RGMB: variants seen among roughly 807,000 people sequenced by gnomAD.
RGMB encodes repulsive guidance molecule BMP co-receptor b.
A neutral mutation model predicts 26.9 loss-of-function variants in RGMB; 16 were observed. The observed-to-expected ratio is 0.60, with a 90% CI of 0.40 to 0.90. The LOEUF (loss-of-function observed/expected upper bound fraction) is 0.90, where lower values mean the gene tolerates loss of function less well. Ranked by LOEUF, RGMB falls within the 40% of genes least tolerant of loss-of-function variation. RGMB has a pLI of 0.00. For synonymous variants in RGMB, 225 were observed against 229.3 expected (o/e 0.98, Z 0.17); for missense variants, 512 against 573.3 (o/e 0.89, Z 1.09).
chr5:98,773,927 GC>G lies in RGMB; in HGVS notation c.-140del. The G allele has an allele frequency of 1.8e-6, 1 of 561,054 alleles. No homozygotes were observed. The highest frequency in any genetic ancestry group is 3.2e-6 in the Non-Finnish European group (1 of 317,250). 34.8% of individuals were successfully genotyped at this position (561,054 alleles called of 1,614,324 possible). A position where few individuals can be genotyped will look rare whatever the true frequency, so the allele number is the denominator to read the frequency against. On this transcript the variant is annotated 5_prime_UTR_variant, in exon 1 of 3. An upstream open reading frame in the 5' UTR loses its in-frame stop. Transcript: ENST00000513185. ...CGCTGCTTGCTGCGGCGGTGGTGGC[GC>G]CCCATCTGCTACACGGGCCTGAAGA...
intron 2 of RGMB, 55 bp downstream of exon 2, chr5:98,780,143 T>C: frequency 1.3e-6 from 2 of 1,513,712 alleles, no homozygotes; most frequent in Non-Finnish European, 1.8e-6. Flanking sequence ...AGATGTTTGA[T>C]TCTTCAGATA....
At chr5:98,787,027 G>A (rs191316869) in intron 2 of RGMB, among the ~76,000 whole-genome samples, 1 of 152,036 alleles carries the variant, frequency 6.6e-6, no homozygotes, top group Admixed American at 6.5e-5. Context: ...CTGAAATGGG[G>A]GTCAGTTTCC....
Position 98,774,106 on chromosome 5 carries a change from T to C in RGMB, c.36T>C (p.Ala12=), listed in dbSNP as rs1249713998. 3.0e-6 allele frequency: 4 copies of C among 1,322,110 alleles called. No individual in the cohort carries two copies. The highest frequency in any genetic ancestry group is 4.2e-5 in the Admixed American group (2 of 47,672). 81.9% of individuals were successfully genotyped at this position (1,322,110 alleles called of 1,614,324 possible). A position where few individuals can be genotyped will look rare whatever the true frequency, so the allele number is the denominator to read the frequency against. ...GLRAAPSSAA[A]AAAEVEQRRS... is the part of the protein sequence containing the mutation. ...GAGCAGCACCTTCCAGCGCCGCCGC[T>C]GCCGCCGCCGAGGTTGAGCAGCGCC... Residue 12 remains alanine, a synonymous_variant, in exon 1 of 3, where the codon GCT becomes GCC. Coordinates refer to ENST00000513185, the MANE Select transcript of RGMB (RefSeq NM_001366508.1).
At position 98,793,153 on chromosome 5, in the gene RGMB, C is replaced by T. The variant is rs1285240545; in HGVS notation, c.714C>T (p.Asp238=). 6.2e-7 allele frequency: 1 copy of T among 1,613,838 alleles called. No individual in the cohort carries two copies. The highest frequency in any genetic ancestry group is 1.3e-5 in the African/African-American group (1 of 74,944). The stretch of plus-strand genomic sequence containing the variant: ...AAGTCTACCAAGCTGTGACAGATGA[C>T]CTGCCGGCCGCCTTTGTGGATGGCA... ...DQKVYQAVTD[D]LPAAFVDGTT... is the part of the protein sequence containing the mutation. Residue 238 remains aspartate, a synonymous_variant, in exon 3 of 3, where the codon GAC becomes GAT. Coordinates refer to ENST00000513185, the MANE Select transcript of RGMB (RefSeq NM_001366508.1).
At chr5:98,788,979 C>T (rs958786194) in intron 2 of RGMB, among the ~76,000 whole-genome samples, 1 of 152,166 alleles carries the variant, frequency 6.6e-6, no homozygotes, top group South Asian at 2.1e-4. Flanking sequence ...GCACCGTGGG[C>T]TTATTCTCCC....
intron 2 of RGMB, chr5:98,780,347 A>G (rs965337316): frequency 1.0e-5 from 4 of 401,478 alleles, no homozygotes; most frequent in Admixed American, 8.2e-5. Context: ...CTCCAGGGAA[A>G]AGGCAGACCT....
chr5:98,790,715 T>C (rs966046661), intron 2 of RGMB, among the ~76,000 whole-genome samples: 4 of 152,240 alleles, frequency 2.6e-5, no homozygotes, highest in African/African-American at 9.6e-5. Flanking sequence ...TAAATCCTCT[T>C]TGTTTTTCCT....
chr5:98,769,928 C>G (rs567507659), upstream of RGMB: 1 of 152,688 alleles, frequency 6.5e-6, no homozygotes, highest in South Asian at 2.1e-4. Context: ...GTGTGCAGGG[C>G]TGGCGCTCCG....
At chr5:98,769,713 G>C (rs1309121854), upstream of RGMB, 2 of 152,928 alleles carry the variant, frequency 1.3e-5, no homozygotes, top group South Asian at 4.1e-4. Flanking sequence ...GTTTTGTTTA[G>C]GTCTCCATCC....
Position 98,773,926 on chromosome 5 carries a change from C to A in RGMB, c.-145C>A. ...GCGCTGCTTGCTGCGGCGGTGGTGG[C>A]GCCCCATCTGCTACACGGGCCTGAA... On this transcript the variant is annotated 5_prime_UTR_variant, in exon 1 of 3. Coordinates refer to ENST00000513185, the MANE Select transcript of RGMB (RefSeq NM_001366508.1). 5.4e-6 allele frequency: 3 copies of A among 559,510 alleles called. No homozygotes were observed. Among genetic ancestry groups the A allele is most frequent in the Non-Finnish European group, 6.3e-6 (2 of 316,456 alleles). The allele number at this position is 559,510 out of a possible 1,614,324, so 34.7% of individuals were successfully genotyped here. A position where few individuals can be genotyped will look rare whatever the true frequency, so the allele number is the denominator to read the frequency against.
chr5:98,778,291 C>T (rs1202526991), intron 1 of RGMB, among the ~76,000 whole-genome samples: 1 of 152,072 alleles, frequency 6.6e-6, no homozygotes, highest in Non-Finnish European at 1.5e-5. Flanking sequence ...TTGATATCAT[C>T]CTGAAGTTTA....
At chr5:98,782,885 A>G (rs1341089481) in intron 2 of RGMB, among the ~76,000 whole-genome samples, 3 of 152,102 alleles carry the variant, frequency 2.0e-5, no homozygotes, top group South Asian at 2.1e-4. Flanking sequence ...AAAGTGGGGG[A>G]AAAATCTAAA....
chr5:98,774,230 A>C, intron 1 of RGMB, 24 bp downstream of exon 1: 2 of 1,396,520 alleles, frequency 1.4e-6, no homozygotes, highest in Non-Finnish European at 1.8e-6. Context: ...GCGCGAGGGG[A>C]GCCAGCCCCG....
chr5:98,785,457 C>G (rs901613442), intron 2 of RGMB, among the ~76,000 whole-genome samples: 6 of 152,152 alleles, frequency 3.9e-5, no homozygotes, highest in Non-Finnish European at 7.3e-5. Context: ...AAAGGCCTGT[C>G]CCACGCTAAC....
upstream of RGMB, among the ~76,000 whole-genome samples, chr5:98,772,430 C>T (rs756808383): frequency 1.1e-4 from 17 of 152,162 alleles, no homozygotes; most frequent in Non-Finnish European, 1.6e-4. Context: ...TCAGCATGTC[C>T]GTGGTTGATA....
At chr5:98,783,740 A>T (rs1746678210) in intron 2 of RGMB, among the ~76,000 whole-genome samples, 1 of 152,384 alleles carries the variant, frequency 6.6e-6, no homozygotes, top group East Asian at 1.9e-4. Flanking sequence ...TATTCCCAAT[A>T]GCATATATTA....
chr5:98,775,073 T>C (rs1439251926), intron 1 of RGMB, among the ~76,000 whole-genome samples: 1 of 152,232 alleles, frequency 6.6e-6, no homozygotes, highest in Non-Finnish European at 1.5e-5. Flanking sequence ...AAGGGTCATT[T>C]TCCTTTAGTC....
intron 2 of RGMB, among the ~76,000 whole-genome samples, chr5:98,792,396 C>T (rs758536955): frequency 2.0e-5 from 3 of 152,138 alleles, no homozygotes; most frequent in Non-Finnish European, 4.4e-5. Flanking sequence ...TGCCATGACT[C>T]ATCCACTTTG....
upstream of RGMB, chr5:98,770,576 G>T (rs556554417): frequency 4.8e-4 from 594 of 1,233,674 alleles, no homozygotes; most frequent in Admixed American, 3.0e-3. Flanking sequence ...GCCAAGCTTT[G>T]GGACTCTTCT....
Sources: allele counts gnomAD v4.1 joint callset (sites outside exome capture counted in the v4.1 genomes callset), GRCh38; gene constraint gnomAD v4.1.1; transcripts MANE v1.5; gene names NCBI Gene and HGNC (gene_info 2026-07-23, HGNC 2026-07-21).